The following TTYH1 variants were observed in gnomAD, a reference collection of about 807,000 sequenced individuals.
TTYH1 encodes tweety family member 1, also known as protein tweety homolog 1.
In TTYH1, 33 loss-of-function variants were observed where a neutral mutation model predicts 61.2. That is an observed-to-expected ratio of 0.54 (90% CI 0.41 to 0.72). TTYH1 has a LOEUF of 0.72. Ranked by LOEUF, TTYH1 falls within the 30% of genes least tolerant of loss-of-function variation. The probability of loss-of-function intolerance (pLI) is 0.00; values close to 1 mark genes in which losing one functional copy is unlikely to be tolerated. For synonymous variants in TTYH1, 308 were observed against 266.4 expected, an observed-to-expected ratio of 1.16 and a Z score of -1.52; for missense variants, 538 against 575.8, an observed-to-expected ratio of 0.93 and a Z score of 0.67.
At chr19:54,435,505 G>A (rs1246528150) in intron 10 of TTYH1, 37 bp from the exon 11 acceptor site, 2 of 1,558,694 alleles carry the variant, frequency 1.3e-6, no homozygotes, top group Non-Finnish European at 1.7e-6. Flanking sequence ...TGGGGGAGGG[G>A]GTGGGGACGC....
Position 54,429,323 on chromosome 19 carries a change from C to T in TTYH1, c.751C>T (p.Leu251Phe), listed in dbSNP as rs2083387626. The T allele has an allele frequency of 6.2e-7, 1 of 1,614,156 alleles. No individual in the cohort carries two copies. The highest frequency in any genetic ancestry group is 1.3e-5 in the African/African-American group (1 of 75,054). ...WLVIVMTVMS[L>F]LVLVLSWGSM... ...CCACTCTAGGATGACAGTCATGAGT[C>T]TCCTGGTTCTCGTCCTGAGCTGGGG... is the stretch of plus-strand genomic sequence containing the variant. Residue 251 changes from leucine to phenylalanine, a missense_variant, in exon 6 of 14, where the codon CTC becomes TTC. Leu to Phe is a conservative substitution (Grantham distance 22). Coordinates refer to ENST00000376530, the MANE Select transcript of TTYH1 (RefSeq NM_020659.4). This position sits in a 1 kb window ranked among gnomAD's most constrained non-coding sequence, Gnocchi z 5.1.
Position 54,417,117 on chromosome 19 carries a change from C to T in TTYH1, c.126+1439C>T, listed in dbSNP as rs1160440664. 2.0e-5 allele frequency among the ~76,000 whole-genome samples: 3 copies of T among 152,092 alleles called. No individual in the cohort carries two copies. In the East Asian group the frequency reaches 5.8e-4, roughly 29 times the overall value. The stretch of plus-strand genomic sequence containing the variant: ...GGCCCGGGGGAGGCACACAGCCACA[C>T]GCACACACTCACTGGCATATGCACA... On this transcript the variant is annotated intron_variant, in intron 1 of 13. Coordinates refer to ENST00000376530, the MANE Select transcript of TTYH1 (RefSeq NM_020659.4).
At chr19:54,431,052 G>A in intron 9 of TTYH1, 47 bp from the exon 10 acceptor site, 1 of 1,520,332 alleles carries the variant, frequency 6.6e-7, no homozygotes, top group Non-Finnish European at 9.1e-7. Flanking sequence ...AGGGCGATGG[G>A]CGGGCCTGAA....
chr19:54,426,642 G>A (rs759807585), intron 4 of TTYH1, 31 bp from the exon 5 acceptor site: 56 of 1,592,464 alleles, frequency 3.5e-5, no homozygotes, highest in Non-Finnish European at 4.7e-5. Flanking sequence ...AGGCAGGTTT[G>A]TGGTTTCAGC....
At chr19:54,430,707 C>A in intron 8 of TTYH1, 102 bp downstream of exon 8, 1 of 1,578,848 alleles carries the variant, frequency 6.3e-7, no homozygotes, top group Admixed American at 1.7e-5. Context: ...TCCTGGGTTC[C>A]GGGGAGGATG....
intron 4 of TTYH1, among the ~76,000 whole-genome samples, chr19:54,424,545 T>C (rs191176034): frequency 3.4e-4 from 52 of 152,300 alleles, no homozygotes; most frequent in African/African-American, 1.2e-3. Context: ...AGGTTCTGCA[T>C]TGTGGTCAGG....
Position 54,420,159 on chromosome 19 carries a change from G to A in TTYH1, c.305+853G>A, listed in dbSNP as rs2083178891. Among the ~76,000 whole-genome samples the A allele has an allele frequency of 6.6e-6, 1 of 152,286 alleles. No individual in the cohort carries two copies. The highest frequency in any genetic ancestry group is 2.1e-4 in the South Asian group (1 of 4,822). On this transcript the variant is annotated intron_variant, in intron 2 of 13. Transcript: ENST00000376530. This position sits in a 1 kb window ranked among gnomAD's most constrained non-coding sequence, Gnocchi z 4.8. ...TGAACACACCAGCTACCAAGAACGA[G>A]CTCTGAGCACAGCCCCCTCCCCGGC...
rs1200215172 is a variant in TTYH1 at position 54,415,847 on chromosome 19, G to A, written c.126+169G>A. ...AGGAGCCTGGGGGCGCCCATGCCTG[G>A]AGGTTCTCCTGGGACGCGCGCTGGG... On this transcript the variant is annotated intron_variant, in intron 1 of 13. Transcript: ENST00000376530. This position sits in a 1 kb window ranked among gnomAD's most constrained non-coding sequence, Gnocchi z 5.2. 4.5e-6 allele frequency: 4 copies of A among 891,338 alleles called. No homozygotes were observed. Among genetic ancestry groups the A allele is most frequent in the Non-Finnish European group, 6.6e-6 (4 of 608,482 alleles). The allele number at this position is 891,338 out of a possible 1,614,324, so 55.2% of individuals were successfully genotyped here. A position where few individuals can be genotyped will look rare whatever the true frequency, so the allele number is the denominator to read the frequency against.
intron 7 of TTYH1, among the ~76,000 whole-genome samples, 200 bp downstream of exon 7, chr19:54,430,157 C>A (rs1378394721): frequency 1.3e-5 from 2 of 152,168 alleles, no homozygotes; most frequent in African/African-American, 2.4e-5. Flanking sequence ...ACCCGCCAGA[C>A]CCTCATCCCT....
rs2083399879 is a variant in TTYH1 at position 54,429,858 on chromosome 19, C to T, written c.808-24C>T. On this transcript the variant is annotated intron_variant, in intron 6 of 13. Coordinates refer to ENST00000376530, the MANE Select transcript of TTYH1 (RefSeq NM_020659.4). This position sits in a 1 kb window ranked among gnomAD's most constrained non-coding sequence, Gnocchi z 5.1. Reference sequence around the variant, plus strand: ...GAATCGGGGCAGTTTTGGGTTTGAGCCCCTTTTCTGCTGCCTCACGCAGGG... The same window carrying T: ...GAATCGGGGCAGTTTTGGGTTTGAGTCCCTTTTCTGCTGCCTCACGCAGGG... 27 of 1,610,738 alleles carry T rather than the reference C, an allele frequency of 1.7e-5. No individual in the cohort carries two copies. Among genetic ancestry groups the T allele is most frequent in the Non-Finnish European group, 2.3e-5 (27 of 1,177,608 alleles).
rs2083206918 is a variant in TTYH1, at chr19:54,421,077, G to T, written c.306-200G>T. Among the ~76,000 whole-genome samples, 2 of 152,122 alleles carry T rather than the reference G, an allele frequency of 1.3e-5. No individual in the cohort carries two copies. Among genetic ancestry groups the T allele is most frequent in the Admixed American group, 1.3e-4 (2 of 15,282 alleles). On this transcript the variant is annotated intron_variant, in intron 2 of 13. Coordinates refer to ENST00000376530, the MANE Select transcript of TTYH1 (RefSeq NM_020659.4). This position sits in a 1 kb window ranked among gnomAD's most constrained non-coding sequence, Gnocchi z 4.8. Reference sequence around the variant, plus strand: ...TCACAATGACGTCCCTCCGCTGGGGGAGTGAGGCCTTCCCGTTCCCTTGGC... The same window carrying T: ...TCACAATGACGTCCCTCCGCTGGGGTAGTGAGGCCTTCCCGTTCCCTTGGC...
intron 10 of TTYH1, chr19:54,435,207 A>C: frequency 3.6e-6 from 1 of 280,574 alleles, no homozygotes. Flanking sequence ...GGCTGGTGGG[A>C]GATGCTGGAC....
intron 4 of TTYH1, 120 bp from the exon 5 acceptor site, chr19:54,426,552 TG>T (rs1231829323): frequency 1.3e-6 from 1 of 763,896 alleles, no homozygotes; most frequent in African/African-American, 1.7e-5. Context: ...AGGCTGAGCT[TG>T]GAGGGTGGTG....
In TTYH1 at chr19:54,428,079, G is replaced by GTTT. The variant is rs936820982; in HGVS notation, c.735-1203_735-1201dup. Among the ~76,000 whole-genome samples the GTTT allele has an allele frequency of 7.8e-3, 489 of 62,486 alleles. 68 individuals carry two copies. The highest frequency in any genetic ancestry group is 0.027 in the African/African-American group (391 of 14,440). The allele number at this position is 62,486 out of a possible 152,430, so 41.0% of individuals were successfully genotyped here. A position where few individuals can be genotyped will look rare whatever the true frequency, so the allele number is the denominator to read the frequency against. ...GGCTTATGCCACCACTCCCGGCTAA[G>GTTT]TTTTTTTTTTTTTTTTTTTTTTTTT... is the stretch of plus-strand genomic sequence containing the variant. On this transcript the variant is annotated intron_variant, in intron 5 of 13. Transcript: ENST00000376530.
At position 54,430,863 on chromosome 19, in the gene TTYH1, G is replaced by A. The variant is rs774529448; in HGVS notation, c.990G>A (p.Leu330=). ...TGGCCAACATCCACTCCCAGCTGCTGGGCCTGGAGCGAGAAGCTGTGCCTC... is the reference window on the plus strand; with the variant it reads ...TGGCCAACATCCACTCCCAGCTGCTAGGCCTGGAGCGAGAAGCTGTGCCTC... ...RALANIHSQL[L]GLEREAVPQF... Residue 330 remains leucine (L), a synonymous_variant, in exon 9 of 14, where the codon CTG becomes CTA. Transcript: ENST00000376530. 5 of 1,613,836 alleles carry A rather than the reference G, an allele frequency of 3.1e-6. No homozygotes were observed. The South Asian group carries it at 5.5e-5, about 18-fold the overall frequency.
Position 54,431,056 on chromosome 19 carries a change from G to C in TTYH1, c.1033-43G>C, listed in dbSNP as rs923276699. ...AGGGCGGGGCCAGGGCGATGGGCGG[G>C]CCTGAAGAGTTCGTGGGAAAACGAC... On this transcript the variant is annotated intron_variant, in intron 9 of 13. Transcript: ENST00000376530. 28 of 1,548,070 alleles carry C rather than the reference G, an allele frequency of 1.8e-5. No homozygotes were observed. The Admixed American group carries it at 3.2e-4, about 18-fold the overall frequency.
At chr19:54,431,320 T>C in intron 10 of TTYH1, 129 bp downstream of exon 10, 3 of 665,836 alleles carry the variant, frequency 4.5e-6, no homozygotes, top group Non-Finnish European at 8.1e-6. Flanking sequence ...TCTGTTTATA[T>C]GATTTATCTG....
At chr19:54,435,501 AG>A in intron 10 of TTYH1, 40 bp from the exon 11 acceptor site, 4 of 1,541,826 alleles carry the variant, frequency 2.6e-6, no homozygotes, top group Non-Finnish European at 3.5e-6. Flanking sequence ...CCGATGGGGG[AG>A]GGGGTGGGGA....
chr19:54,435,321 G>A (rs2083521328), intron 10 of TTYH1, among the ~76,000 whole-genome samples: 1 of 152,252 alleles, frequency 6.6e-6, no homozygotes, highest in South Asian at 2.1e-4. Context: ...CAAGTCTGGA[G>A]GCTGGGCAAT....
Sources: gnomAD v4.1 joint callset for allele counts (sites outside exome capture counted in the v4.1 genomes callset) on GRCh38, gnomAD v4.1.1 for gene constraint, Gnocchi (gnomAD v3.1) non-coding constraint, MANE v1.5 for transcripts, NCBI Gene and HGNC (gene_info 2026-07-23, HGNC 2026-07-21) for gene names.